MSRA: variants seen among roughly 807,000 people sequenced by gnomAD.
The protein encoded by MSRA is methionine sulfoxide reductase A.
Under a neutral mutation model 31.3 loss-of-function variants are expected in MSRA, and 54 were observed. The observed-to-expected ratio is 1.73, with a 90% CI of 1.39 to 2.17. MSRA has a LOEUF of 2.17. Among genes scored for constraint, MSRA ranks in the 30% most tolerant of loss-of-function variants. MSRA has a pLI of 0.00. For missense variants in MSRA, 507 were observed against 300.9 expected (o/e 1.69, Z -5.07); for synonymous variants, 169 against 116.5 (o/e 1.45, Z -2.90).
chr8:10,127,160 G>C (rs1801563044), intron 1 of MSRA, among the ~76,000 whole-genome samples: 1 of 152,272 alleles, frequency 6.6e-6, no homozygotes, highest in African/African-American at 2.4e-5. Context: ...GATATCTGTT[G>C]AGATTGCCTA....
chr8:10,367,022 C>T (rs767194008), intron 5 of MSRA, among the ~76,000 whole-genome samples: 2 of 152,130 alleles, frequency 1.3e-5, no homozygotes, highest in Admixed American at 6.5e-5. Flanking sequence ...GTAACTGCAG[C>T]CCAAAAATAT....
chr8:10,192,205 C>G (rs1004373216), intron 1 of MSRA, among the ~76,000 whole-genome samples: 2 of 152,198 alleles, frequency 1.3e-5, no homozygotes, highest in African/African-American at 4.8e-5. Context: ...CTGTTGTGTT[C>G]TGTTTAGTAG....
intron 1 of MSRA, among the ~76,000 whole-genome samples, chr8:10,163,026 G>A (rs986531794): frequency 2.6e-5 from 4 of 152,180 alleles, no homozygotes; most frequent in African/African-American, 4.8e-5. Context: ...GATTTGTTAC[G>A]AGAGTGCGAC....
chr8:10,174,334 C>T (rs1471632201), intron 1 of MSRA, among the ~76,000 whole-genome samples: 4 of 152,080 alleles, frequency 2.6e-5, no homozygotes, highest in Non-Finnish European at 4.4e-5. Flanking sequence ...AGATGGCGTG[C>T]AGGTGAGCGA....
At chr8:10,337,531 AC>A in intron 5 of MSRA, 2 of 590,198 alleles carry the variant, frequency 3.4e-6, no homozygotes, top group Non-Finnish European at 6.0e-6. Flanking sequence ...CTACTAGGCT[AC>A]AGAAAGCAGC....
chr8:10,072,255 C>T (rs1005111162), intron 1 of MSRA, among the ~76,000 whole-genome samples: 1 of 151,528 alleles, frequency 6.6e-6, no homozygotes, highest in Non-Finnish European at 1.5e-5. Flanking sequence ...CATTCTTAGG[C>T]CACTGAGTGG....
chr8:10,170,050 T>TG (rs1554474797), intron 1 of MSRA, among the ~76,000 whole-genome samples: 1 of 147,566 alleles, frequency 6.8e-6, no homozygotes, highest in East Asian at 2.0e-4. Flanking sequence ...ATATTTTTTT[T>TG]TTTTTTTTTT....
intron 1 of MSRA, among the ~76,000 whole-genome samples, chr8:10,077,270 TG>T (rs1484759923): frequency 6.6e-6 from 1 of 151,926 alleles, no homozygotes; most frequent in Non-Finnish European, 1.5e-5. Context: ...GGTGGGAAAG[TG>T]TGGAGACCTG....
chr8:10,334,582 G>T (rs1318714537), intron 5 of MSRA, among the ~76,000 whole-genome samples: 1 of 152,132 alleles, frequency 6.6e-6, no homozygotes, highest in Non-Finnish European at 1.5e-5. Context: ...CCCGGCCTGC[G>T]CCTGCACGGC....
chr8:10,126,984 CA>C (rs1321451377), intron 1 of MSRA, among the ~76,000 whole-genome samples: 1 of 152,234 alleles, frequency 6.6e-6, no homozygotes, highest in African/African-American at 2.4e-5. Context: ...GCCTGGTTCC[CA>C]ACAGGCCACA....
At chr8:10,286,292 AC>A (rs1413464654) in intron 3 of MSRA, among the ~76,000 whole-genome samples, 1 of 151,918 alleles carries the variant, frequency 6.6e-6, no homozygotes, top group Non-Finnish European at 1.5e-5. Flanking sequence ...TGTGGGAGGG[AC>A]CTGGTGGGAG....
intron 1 of MSRA, among the ~76,000 whole-genome samples, chr8:10,128,076 C>A (rs1027940919): frequency 6.6e-6 from 1 of 151,944 alleles, no homozygotes; most frequent in Non-Finnish European, 1.5e-5. Context: ...TTCAAGAGAC[C>A]TTTAAAAAGT....
chr8:10,338,415 GA>G (rs938068312), intron 5 of MSRA, among the ~76,000 whole-genome samples: 42 of 152,174 alleles, frequency 2.8e-4, no homozygotes, highest in African/African-American at 1.0e-3. Context: ...AATAGGGTTT[GA>G]GATCTGTTGC....
chr8:10,399,708 A>C (rs1219752326), intron 5 of MSRA, among the ~76,000 whole-genome samples: 1 of 152,186 alleles, frequency 6.6e-6, no homozygotes, highest in East Asian at 1.9e-4. Context: ...GCTTCCCTGT[A>C]GCCCTATATA....
At chr8:10,337,888 C>T (rs1017683035) in intron 5 of MSRA, 22 of 689,376 alleles carry the variant, frequency 3.2e-5, no homozygotes, top group Non-Finnish European at 5.8e-5. Flanking sequence ...TGCACACATT[C>T]TTTGTTATGA....
intron 1 of MSRA, among the ~76,000 whole-genome samples, chr8:10,107,547 C>T (rs557277058): frequency 6.6e-6 from 1 of 152,234 alleles, no homozygotes; most frequent in South Asian, 2.1e-4. Context: ...TAATGCTTTT[C>T]AATAACAGAT....
intron 1 of MSRA, among the ~76,000 whole-genome samples, chr8:10,079,732 GCCACAAAGTGTTTC>G (rs1293605528): frequency 6.6e-6 from 1 of 152,110 alleles, no homozygotes; most frequent in Non-Finnish European, 1.5e-5. Flanking sequence ...ATGCCCATAA[GCCACAAAGTGTTTC>G]CCTGTCAACT....
intron 1 of MSRA, among the ~76,000 whole-genome samples, chr8:10,126,106 C>A (rs1801478222): frequency 6.6e-6 from 1 of 152,024 alleles, no homozygotes; most frequent in Non-Finnish European, 1.5e-5. Context: ...GAGGACTATC[C>A]CCTGGGTAAA....
intron 5 of MSRA, among the ~76,000 whole-genome samples, chr8:10,374,745 A>T (rs553596349): frequency 6.6e-6 from 1 of 152,254 alleles, no homozygotes; most frequent in East Asian, 1.9e-4. Context: ...GACTTGTTGG[A>T]TATGGTTTGG....
Sources: allele counts gnomAD v4.1 joint callset (sites outside exome capture counted in the v4.1 genomes callset), GRCh38; gene constraint gnomAD v4.1.1; transcripts MANE v1.5; gene names NCBI Gene and HGNC (gene_info 2026-07-23, HGNC 2026-07-21).